THSD4: variants seen among roughly 807,000 people sequenced by gnomAD.
THSD4 encodes the protein thrombospondin type-1 domain-containing protein 4.
A neutral mutation model predicts 119.0 loss-of-function variants in THSD4; 69 were observed. The ratio of observed to expected loss-of-function variants is 0.58; its 90% CI spans 0.48 to 0.71. The LOEUF (loss-of-function observed/expected upper bound fraction) is 0.71. Among genes scored for constraint, THSD4 ranks in the 30% least tolerant of loss-of-function variants. The pLI is 0.00. For synonymous variants in THSD4, 524 were observed against 540.4 expected (o/e 0.97, Z 0.42); for missense variants, 1,393 against 1,391.1 (o/e 1.00, Z -0.02).
intron 8 of THSD4, among the ~76,000 whole-genome samples, chr15:71,686,577 G>A (rs1433028145): frequency 6.6e-6 from 1 of 152,146 alleles, no homozygotes; most frequent in African/African-American, 2.4e-5. Context: ...ATGACATGAC[G>A]TTTCACCCAC....
chr15:71,269,486 C>G (rs1344803402), intron 6 of THSD4, among the ~76,000 whole-genome samples: 2 of 152,164 alleles, frequency 1.3e-5, no homozygotes, highest in Non-Finnish European at 2.9e-5. Flanking sequence ...AACCCATAGC[C>G]AATGTCATAC....
intron 7 of THSD4, among the ~76,000 whole-genome samples, chr15:71,453,382 C>A (rs2140589318): frequency 6.6e-6 from 1 of 152,316 alleles, no homozygotes; most frequent in African/African-American, 2.4e-5. Flanking sequence ...ACCCTTCTGT[C>A]TGAAATGGGC....
chr15:71,603,035 G>A (rs996718637), intron 7 of THSD4, among the ~76,000 whole-genome samples: 4 of 152,222 alleles, frequency 2.6e-5, no homozygotes, highest in Non-Finnish European at 5.9e-5. Flanking sequence ...TGTTGCCTCT[G>A]TCCTTTCAGG....
intron 6 of THSD4, among the ~76,000 whole-genome samples, chr15:71,311,406 T>C (rs1174245968): frequency 6.6e-6 from 1 of 152,140 alleles, no homozygotes; most frequent in Non-Finnish European, 1.5e-5. Flanking sequence ...TGGAAGATAA[T>C]GGGTTTTGGA....
At chr15:71,372,213 A>G (rs531490322) in intron 6 of THSD4, among the ~76,000 whole-genome samples, 1 of 152,226 alleles carries the variant, frequency 6.6e-6, no homozygotes, top group Non-Finnish European at 1.5e-5. Context: ...GCTTCTTTGT[A>G]ATGGGTTCGA....
chr15:71,135,969 C>T (rs2040547337), intron 1 of THSD4, among the ~76,000 whole-genome samples: 1 of 140,064 alleles, frequency 7.1e-6, no homozygotes, highest in Admixed American at 7.1e-5. Flanking sequence ...CACACAAGTC[C>T]TTTGGTTTTT....
intron 7 of THSD4, among the ~76,000 whole-genome samples, chr15:71,428,785 G>A (rs1309699035): frequency 6.6e-6 from 1 of 152,154 alleles, no homozygotes; most frequent in African/African-American, 2.4e-5. Flanking sequence ...ATAACCAGTG[G>A]TTGATAATTT....
At chr15:71,126,641 T>G (rs976416564) in intron 1 of THSD4, among the ~76,000 whole-genome samples, 3 of 152,166 alleles carry the variant, frequency 2.0e-5, no homozygotes, top group Admixed American at 2.0e-4. Flanking sequence ...GACAGAGATG[T>G]GGGAATATCT....
chr15:71,190,602 T>C (rs1278629474), intron 3 of THSD4, among the ~76,000 whole-genome samples: 1 of 152,186 alleles, frequency 6.6e-6, no homozygotes, highest in Non-Finnish European at 1.5e-5. Flanking sequence ...TCTATGCATC[T>C]CTTTATTTTT....
intron 7 of THSD4, among the ~76,000 whole-genome samples, chr15:71,491,926 A>G (rs2047926027): frequency 6.6e-6 from 1 of 152,238 alleles, no homozygotes; most frequent in Non-Finnish European, 1.5e-5. Context: ...ACCCAGCCTC[A>G]GATATTCTGA....
chr15:71,121,811 G>C (rs546365916), intron 1 of THSD4, among the ~76,000 whole-genome samples: 1 of 152,134 alleles, frequency 6.6e-6, no homozygotes, highest in African/African-American at 2.4e-5. Flanking sequence ...AGGCCGTCTG[G>C]CCTGGATGCA....
At chr15:71,460,651 G>A (rs183105914) in intron 7 of THSD4, among the ~76,000 whole-genome samples, 125 of 152,284 alleles carry the variant, frequency 8.2e-4, no homozygotes, top group African/African-American at 2.8e-3. Context: ...CTCTCGACGG[G>A]CTGGTAGCTG....
intron 7 of THSD4, among the ~76,000 whole-genome samples, chr15:71,573,839 T>C (rs1367676009): frequency 6.6e-6 from 1 of 152,200 alleles, no homozygotes; most frequent in Non-Finnish European, 1.5e-5. Context: ...TTAATACTAA[T>C]TGTGTCGCTT....
intron 6 of THSD4, among the ~76,000 whole-genome samples, chr15:71,285,878 AAAAAAAATT>A (rs2044710801): frequency 6.6e-6 from 1 of 150,732 alleles, no homozygotes; most frequent in Non-Finnish European, 1.5e-5. Context: ...AAAAAAAAAA[AAAAAAAATT>A]CTAGTGATTT....
At chr15:71,368,816 G>C (rs1049143809) in intron 6 of THSD4, among the ~76,000 whole-genome samples, 1 of 152,140 alleles carries the variant, frequency 6.6e-6, no homozygotes, top group Non-Finnish European at 1.5e-5. Context: ...TTCCAATTCT[G>C]TGAAGAAAGT....
At chr15:71,622,506 A>T (rs958149428) in intron 7 of THSD4, among the ~76,000 whole-genome samples, 3 of 152,196 alleles carry the variant, frequency 2.0e-5, no homozygotes, top group Non-Finnish European at 4.4e-5. Flanking sequence ...TTTTTGACAA[A>T]TTCCGTATGT....
At chr15:71,469,372 T>G (rs543862998) in intron 7 of THSD4, among the ~76,000 whole-genome samples, 1 of 152,298 alleles carries the variant, frequency 6.6e-6, no homozygotes, top group South Asian at 2.1e-4. Flanking sequence ...ACATTACATT[T>G]TCAGATTTTC....
At position 71,650,431 on chromosome 15, in the gene THSD4, C is replaced by G. The variant is rs376487924; in HGVS notation, c.1153-10099C>G. On this transcript the variant is annotated intron_variant, in intron 7 of 17. Transcript: ENST00000261862. ...TGCAAGACTTCTAAAATGCCCCAGA[C>G]GATGCCTGCACTGCTGGTCCATGGA... Among the ~76,000 whole-genome samples the G allele has an allele frequency of 5.3e-5, 8 of 152,252 alleles. No homozygotes were observed. The East Asian group carries it at 9.7e-4, about 18-fold the overall frequency.
chr15:71,409,607 C>G (rs1159694959), intron 6 of THSD4, among the ~76,000 whole-genome samples: 2 of 152,310 alleles, frequency 1.3e-5, no homozygotes, highest in East Asian at 3.9e-4. Context: ...AACCAGGTCT[C>G]TTGACTTCTA....
Sources: allele counts gnomAD v4.1 joint callset (sites outside exome capture counted in the v4.1 genomes callset), GRCh38; gene constraint gnomAD v4.1.1; transcripts MANE v1.5; gene names NCBI Gene and HGNC (gene_info 2026-07-23, HGNC 2026-07-21).